Variants in FAM193B observed in about 807,000 individuals in gnomAD.
The protein encoded by FAM193B is family with sequence similarity 193 member B.
A neutral mutation model predicts 70.7 loss-of-function variants in FAM193B; 27 were observed. The observed-to-expected ratio is 0.38, with a 90% confidence interval of 0.28 to 0.53. The LOEUF (loss-of-function observed/expected upper bound fraction) is 0.53. Among genes scored for constraint, FAM193B ranks in the 20% least tolerant of loss-of-function variants. The pLI is 0.81. For synonymous variants in FAM193B, 448 were observed against 436.0 expected, an observed-to-expected ratio of 1.03 and a Z score of -0.34; for missense variants, 1,022 against 1,072.5, an observed-to-expected ratio of 0.95 and a Z score of 0.66.
chr5:177,534,585 A>G (rs1441673659), intron 4 of FAM193B, among the ~76,000 whole-genome samples: 3 of 151,906 alleles, frequency 2.0e-5, no homozygotes, highest in Non-Finnish European at 4.4e-5. Context: ...TACAGGAATG[A>G]GCCACCGCGC....
intron 4 of FAM193B, 155 bp downstream of exon 4, chr5:177,536,203 G>T: frequency 1.2e-6 from 1 of 850,906 alleles, no homozygotes; most frequent in Non-Finnish European, 1.8e-6. Flanking sequence ...GTGAGCCACT[G>T]TGCCAGGCCA....
intron 5 of FAM193B, among the ~76,000 whole-genome samples, chr5:177,526,307 AG>A (rs1164319006): frequency 6.6e-6 from 1 of 152,134 alleles, no homozygotes; most frequent in Non-Finnish European, 1.5e-5. Context: ...TCTACATTCC[AG>A]GGTCAGTATG....
chr5:177,531,779 T>C, intron 5 of FAM193B: 1 of 821,966 alleles, frequency 1.2e-6, no homozygotes, highest in Non-Finnish European at 1.6e-6. Flanking sequence ...CCGGGCTTCG[T>C]CACTGGGAAG....
Position 177,538,666 on chromosome 5 carries a change from T to A in FAM193B, c.453+239A>T, listed in dbSNP as rs1764479277. Among the ~76,000 whole-genome samples, 1 of 152,094 alleles carries A rather than the reference T, an allele frequency of 6.6e-6. No homozygotes were observed. Among genetic ancestry groups the A allele is most frequent in the Admixed American group, 6.5e-5 (1 of 15,276 alleles). ...CTCGTGATCTACCAGTACCTATGAG[T>A]GGGCCCTCATCCTGTGCACAGACCA... On this transcript the variant is annotated intron_variant, in intron 2 of 8. Transcript: ENST00000514747. This position sits in a 1 kb window ranked among gnomAD's most constrained non-coding sequence, Gnocchi z 4.1.
At chr5:177,553,835 G>C (rs1205845223) in intron 1 of FAM193B, 27 of 1,282,216 alleles carry the variant, frequency 2.1e-5, no homozygotes, top group Non-Finnish European at 2.5e-5. Flanking sequence ...GTTCCCGGGG[G>C]CAGAGGGAAG....
intron 5 of FAM193B, among the ~76,000 whole-genome samples, chr5:177,529,233 C>T (rs1195274357): frequency 1.4e-5 from 2 of 142,274 alleles, no homozygotes; most frequent in African/African-American, 2.6e-5. Flanking sequence ...TTCGTGTAGA[C>T]AGAAGACACA....
chr5:177,530,928 T>C (rs900114443), intron 5 of FAM193B, among the ~76,000 whole-genome samples: 10 of 152,236 alleles, frequency 6.6e-5, no homozygotes, highest in East Asian at 3.8e-4. Flanking sequence ...CAGTTTTGTG[T>C]CAGTCTCCCC....
chr5:177,546,175 C>T (rs1418172401), intron 1 of FAM193B, among the ~76,000 whole-genome samples: 2 of 152,218 alleles, frequency 1.3e-5, no homozygotes, highest in Non-Finnish European at 2.9e-5. Context: ...TGCTAAGTGC[C>T]GGGAAACATC....
At position 177,536,613 on chromosome 5, in the gene FAM193B, TG is replaced by T; in HGVS notation, c.820del (p.His274ThrfsTer47). ...CGGGGTGGTGGGCAGCAGGTGTGGG[TG>T]GGGTGGGGAGCCAAAGGAGCTGGGG... The part of the protein sequence containing the change: ...SHPSSFGSPP[H>X]PHLLPTTPAA... On this transcript the variant is annotated frameshift_variant, in exon 4 of 9. Coordinates refer to ENST00000514747, the MANE Select transcript of FAM193B (RefSeq NM_001190946.3). LOFTEE classifies it high-confidence loss of function. The T allele has an allele frequency of 6.6e-7, 1 of 1,505,886 alleles. No individual in the cohort carries two copies. Among genetic ancestry groups the T allele is most frequent in the Non-Finnish European group, 8.8e-7 (1 of 1,134,698 alleles). 93.3% of individuals were successfully genotyped at this position (1,505,886 alleles called of 1,614,324 possible).
Position 177,535,306 on chromosome 5 carries a change from G to T in FAM193B, c.1076+1052C>A, listed in dbSNP as rs115994255. 3.6e-3 allele frequency among the ~76,000 whole-genome samples: 551 copies of T among 152,382 alleles called. 5 individuals carry two copies. The highest frequency in any genetic ancestry group is 0.012 in the African/African-American group (505 of 41,592). Reference sequence around the variant, plus strand: ...AAGAGAACACAAATATGCTGAGGAGGCAACGCTAAGTGAAAACCGGCGGGT... The same window carrying T: ...AAGAGAACACAAATATGCTGAGGAGTCAACGCTAAGTGAAAACCGGCGGGT... On this transcript the variant is annotated intron_variant, in intron 4 of 8. Coordinates refer to ENST00000514747, the MANE Select transcript of FAM193B (RefSeq NM_001190946.3).
At chr5:177,540,732 G>C in intron 1 of FAM193B, among the ~76,000 whole-genome samples, 1 of 152,088 alleles carries the variant, frequency 6.6e-6, no homozygotes, top group Non-Finnish European at 1.5e-5. Context: ...GATAGAAAGT[G>C]GTATTGTTTT....
chr5:177,545,658 C>CAA (rs35116415), intron 1 of FAM193B, among the ~76,000 whole-genome samples: 10,272 of 118,910 alleles, frequency 0.086, 496 homozygotes, highest in East Asian at 0.19. Flanking sequence ...GAGCCTGTCT[C>CAA]AAAAAAAAAA....
In FAM193B at chr5:177,525,010, T is replaced by C; in HGVS notation, c.1471A>G (p.Ser491Gly). ...TVKDSIRASF[S>G]VCELSMDSNG... ...CTGTCCATGCTGAGCTCACACACACTGAAGCTGGCACGGATGGAGTCTTTG... is the reference window on the plus strand; with the variant it reads ...CTGTCCATGCTGAGCTCACACACACCGAAGCTGGCACGGATGGAGTCTTTG... The change falls in exon 6 of 9, where the codon AGT (serine) becomes GGT (glycine). Residue 491 changes from serine (S) to glycine (G), a missense_variant. By Grantham distance (56) the Ser-to-Gly change is moderately conservative. Transcript: ENST00000514747. 6.5e-7 allele frequency: 1 copy of C among 1,544,124 alleles called. No homozygotes were observed. The highest frequency in any genetic ancestry group is 1.7e-4 in the Middle Eastern group (1 of 5,716).
rs551399286 is a variant in FAM193B at position 177,538,761 on chromosome 5, A to G, written c.453+144T>C. 25 of 1,112,062 alleles carry G rather than the reference A, an allele frequency of 2.2e-5. No homozygotes were observed. The highest frequency in any genetic ancestry group is 3.0e-5 in the Non-Finnish European group (24 of 787,596). 68.9% of individuals were successfully genotyped at this position (1,112,062 alleles called of 1,614,324 possible). On this transcript the variant is annotated intron_variant, in intron 2 of 8. Coordinates refer to ENST00000514747, the MANE Select transcript of FAM193B (RefSeq NM_001190946.3). The surrounding 1 kb of genome is among the most constrained non-coding windows in gnomAD (Gnocchi z 4.1). ...CCCCAAATCTGAACTTGAGCTGCCAATGCTGTGCCAGTGCAGCCCAGAAGT... is the reference window on the plus strand; with the variant it reads ...CCCCAAATCTGAACTTGAGCTGCCAGTGCTGTGCCAGTGCAGCCCAGAAGT...
At chr5:177,545,125 C>T (rs1255426719) in intron 1 of FAM193B, among the ~76,000 whole-genome samples, 1 of 152,106 alleles carries the variant, frequency 6.6e-6, no homozygotes, top group Non-Finnish European at 1.5e-5. Context: ...CTCACTGCAA[C>T]CTCCACCTCC....
intron 7 of FAM193B, chr5:177,523,370 T>C (rs947689251): frequency 6.7e-5 from 16 of 237,266 alleles, no homozygotes; most frequent in Non-Finnish European, 1.3e-4. Flanking sequence ...TTGTTTTTTT[T>C]CCTGAATATT....
intron 1 of FAM193B, chr5:177,551,997 C>A (rs1355200714): frequency 2.3e-5 from 23 of 982,846 alleles, no homozygotes; most frequent in Non-Finnish European, 2.8e-5. Flanking sequence ...TTCTTTGGGG[C>A]TATAGTTTAA....
At chr5:177,547,708 C>A (rs1445237733) in intron 1 of FAM193B, among the ~76,000 whole-genome samples, 1 of 152,200 alleles carries the variant, frequency 6.6e-6, no homozygotes, top group Non-Finnish European at 1.5e-5. Flanking sequence ...TTTGCAGTTC[C>A]ACCAGCCCCT....
At chr5:177,546,752 T>G (rs1765477266) in intron 1 of FAM193B, among the ~76,000 whole-genome samples, 1 of 152,202 alleles carries the variant, frequency 6.6e-6, no homozygotes, top group Non-Finnish European at 1.5e-5. Context: ...GACTAGTCAG[T>G]GGAGAATCCT....
Sources: allele counts gnomAD v4.1 joint callset (sites outside exome capture counted in the v4.1 genomes callset), GRCh38; gene constraint gnomAD v4.1.1; non-coding constraint Gnocchi (gnomAD v3.1); transcripts MANE v1.5; gene names NCBI Gene and HGNC (gene_info 2026-07-23, HGNC 2026-07-21).